The following PTPRE variants were observed in gnomAD, a reference collection of about 807,000 sequenced individuals.
PTPRE encodes the protein protein tyrosine phosphatase receptor type E, also known as receptor-type tyrosine-protein phosphatase epsilon.
A neutral mutation model predicts 102.0 loss-of-function variants in PTPRE; 51 were observed. The ratio of observed to expected loss-of-function variants is 0.50; its 90% CI spans 0.40 to 0.63. The LOEUF is 0.63. Ranked by LOEUF, PTPRE falls within the 30% of genes least tolerant of loss-of-function variation. The pLI is 0.00. For missense variants in PTPRE, 752 were observed against 915.1 expected (o/e 0.82, Z 2.30); for synonymous variants, 345 against 348.2 (o/e 0.99, Z 0.10).
At chr10:128,047,585 G>C (rs1457765525) in intron 4 of PTPRE, 96 bp downstream of exon 4, 11 of 1,612,104 alleles carry the variant, frequency 6.8e-6, no homozygotes, top group Non-Finnish European at 9.3e-6. Flanking sequence ...GCAGAGGGCA[G>C]CTGAGAGGCT....
intron 2 of PTPRE, among the ~76,000 whole-genome samples, chr10:127,995,633 A>G (rs1206211503): frequency 6.6e-6 from 1 of 152,124 alleles, no homozygotes; most frequent in Non-Finnish European, 1.5e-5. Flanking sequence ...CGATATGAAA[A>G]CCTGTTTTCC....
intron 19 of PTPRE, among the ~76,000 whole-genome samples, chr10:128,079,023 A>T (rs1172101281): frequency 6.6e-6 from 1 of 152,174 alleles, no homozygotes; most frequent in Non-Finnish European, 1.5e-5. Context: ...GTAAATGGAG[A>T]TGACTCAAAT....
At chr10:128,046,036 T>A (rs1307094563) in intron 3 of PTPRE, among the ~76,000 whole-genome samples, 1 of 152,214 alleles carries the variant, frequency 6.6e-6, no homozygotes, top group East Asian at 1.9e-4. Flanking sequence ...ACAGACCAGC[T>A]GTTTCCTCTG....
At chr10:127,970,412 AC>A (rs1240105626) in intron 1 of PTPRE, among the ~76,000 whole-genome samples, 1 of 151,548 alleles carries the variant, frequency 6.6e-6, no homozygotes, top group Non-Finnish European at 1.5e-5. Context: ...ATGTCCTCCC[AC>A]CCTCTACCCA....
At chr10:127,951,442 C>G (rs1849016118) in intron 1 of PTPRE, among the ~76,000 whole-genome samples, 1 of 152,222 alleles carries the variant, frequency 6.6e-6, no homozygotes, top group Non-Finnish European at 1.5e-5. Context: ...GACACTGGCT[C>G]TGAACTGACA....
In PTPRE at chr10:128,076,633, G is replaced by T. The variant is rs143949800; in HGVS notation, c.1630G>T (p.Gly544Cys). 4.1e-5 allele frequency: 66 copies of T among 1,609,414 alleles called. No homozygotes were observed. The Middle Eastern group carries it at 4.9e-4, about 12-fold the overall frequency. Reference protein sequence around the residue: ...DKCYQYWPTEGSVTHGEITIE... With the variant: ...DKCYQYWPTECSVTHGEITIE... ...ATGCTACCAGTATTGGCCAACCGAGGGCTCAGTTACTCATGGAGAAATAAC... is the reference window on the plus strand; with the variant it reads ...ATGCTACCAGTATTGGCCAACCGAGTGCTCAGTTACTCATGGAGAAATAAC... The change falls in exon 18 of 21, where the codon GGC (glycine) becomes TGC (cysteine). Residue 544 changes from glycine to cysteine, a missense_variant. Gly to Cys is a radical substitution (Grantham distance 159). Around this residue, in one of 2 missense-constraint regions of PTPRE, gnomAD observed 636 missense variants for 824.4 expected, o/e 0.77. Coordinates refer to ENST00000254667, the MANE Select transcript of PTPRE (RefSeq NM_006504.6).
At chr10:127,979,265 T>C (rs1851425965) in intron 1 of PTPRE, among the ~76,000 whole-genome samples, 1 of 152,142 alleles carries the variant, frequency 6.6e-6, no homozygotes, top group Non-Finnish European at 1.5e-5. Flanking sequence ...ACTTCACGGA[T>C]CTGTCTGCTC....
chr10:127,918,386 A>G (rs1183745410), intron 1 of PTPRE, among the ~76,000 whole-genome samples: 1 of 152,000 alleles, frequency 6.6e-6, no homozygotes, highest in Non-Finnish European at 1.5e-5. Flanking sequence ...GTGAAACCCC[A>G]TCTCTACTAA....
Position 128,063,100 on chromosome 10 carries a change from GT to G in PTPRE, c.645del (p.Asn216ThrfsTer18). On this transcript the variant is annotated frameshift_variant, in exon 10 of 21. Coordinates refer to ENST00000254667, the MANE Select transcript of PTPRE (RefSeq NM_006504.6). LOFTEE classifies it high-confidence loss of function. ...ACACACAGGTCCCAAACAGGAAACG[GT>G]TAACGACTTCTGGAGAATGGTCTGG... ...IAAQGPKQET[V>X]NDFWRMVWEQ... 1 of 1,614,204 alleles carries G rather than the reference GT, an allele frequency of 6.2e-7. No individual in the cohort carries two copies. Among genetic ancestry groups the G allele is most frequent in the Non-Finnish European group, 8.5e-7 (1 of 1,180,034 alleles).
intron 2 of PTPRE, among the ~76,000 whole-genome samples, chr10:128,010,602 A>C (rs1255823418): frequency 4.6e-5 from 2 of 43,434 alleles, no homozygotes; most frequent in African/African-American, 2.0e-4. Context: ...TTTCCTTTTG[A>C]GATGGAGTCT....
chr10:127,980,439 C>T (rs571277001), intron 1 of PTPRE, among the ~76,000 whole-genome samples: 18 of 151,168 alleles, frequency 1.2e-4, no homozygotes, highest in African/African-American at 4.1e-4. Context: ...TCTACATAGA[C>T]TATTATGTCA....
chr10:128,074,752 G>A (rs1851084477), intron 17 of PTPRE, among the ~76,000 whole-genome samples: 2 of 152,132 alleles, frequency 1.3e-5, no homozygotes, highest in African/African-American at 4.8e-5. Flanking sequence ...ATACGCCTAG[G>A]AGTGTATATA....
intron 1 of PTPRE, among the ~76,000 whole-genome samples, chr10:127,974,861 C>T (rs916432057): frequency 6.6e-6 from 1 of 151,004 alleles, no homozygotes; most frequent in Non-Finnish European, 1.5e-5. Context: ...CACCTGCCTT[C>T]GTCATCTGTA....
intron 2 of PTPRE, among the ~76,000 whole-genome samples, chr10:128,022,250 G>C (rs1015847502): frequency 1.6e-4 from 24 of 152,154 alleles, no homozygotes; most frequent in Non-Finnish European, 2.9e-5. Context: ...AGGTGCACCT[G>C]GCACCCCGCT....
At chr10:127,924,182 A>G (rs1846837275) in intron 1 of PTPRE, among the ~76,000 whole-genome samples, 1 of 152,164 alleles carries the variant, frequency 6.6e-6, no homozygotes, top group Non-Finnish European at 1.5e-5. Flanking sequence ...GACAGGCATG[A>G]CTGTTTTCAG....
At chr10:127,918,755 A>G (rs552910292) in intron 1 of PTPRE, among the ~76,000 whole-genome samples, 6 of 152,176 alleles carry the variant, frequency 3.9e-5, no homozygotes, top group East Asian at 2.0e-4. Context: ...CAGACACACA[A>G]TGACAGCAAG....
At chr10:128,072,421 G>A (rs1293766739) in intron 16 of PTPRE, 3 of 483,606 alleles carry the variant, frequency 6.2e-6, no homozygotes, top group Non-Finnish European at 1.1e-5. Context: ...GGGAAGCTAA[G>A]GCGGGCAGAT....
intron 17 of PTPRE, 30 bp from the exon 18 acceptor site, chr10:128,076,573 A>G (rs1320991517): frequency 1.5e-5 from 23 of 1,552,306 alleles, no homozygotes; most frequent in Non-Finnish European, 1.8e-5. Flanking sequence ...TATTTATTAC[A>G]AGACTTAAAT....
At chr10:127,950,793 C>T (rs1005323899) in intron 1 of PTPRE, among the ~76,000 whole-genome samples, 9 of 100,716 alleles carry the variant, frequency 8.9e-5, no homozygotes, top group Non-Finnish European at 1.8e-4. Flanking sequence ...TAGTTAATCA[C>T]GTGTTTCTAA....
Sources: gnomAD v4.1 joint callset for allele counts (sites outside exome capture counted in the v4.1 genomes callset) on GRCh38, gnomAD v4.1.1 for gene constraint, gnomAD v4.1.1 regional missense constraint, MANE v1.5 for transcripts, NCBI Gene and HGNC (gene_info 2026-07-23, HGNC 2026-07-21) for gene names.